The following PAK2 variants were observed in gnomAD, a reference collection of about 807,000 sequenced individuals.
PAK2 encodes p21 (RAC1) activated kinase 2.
Under a neutral mutation model 65.9 loss-of-function variants are expected in PAK2, and 21 were observed. That is an observed-to-expected ratio of 0.32 (90% CI 0.23 to 0.46). The LOEUF (loss-of-function observed/expected upper bound fraction) is 0.46, where lower values mean the gene tolerates loss of function less well. Among genes scored for constraint, PAK2 ranks in the 20% least tolerant of loss-of-function variants. The pLI, the probability that PAK2 is intolerant of heterozygous loss-of-function variation, is 1.00. For synonymous variants in PAK2, 204 were observed against 219.7 expected (o/e 0.93, Z 0.63); for missense variants, 324 against 642.6 (o/e 0.50, Z 5.36).
intron 1 of PAK2, among the ~76,000 whole-genome samples, chr3:196,767,726 C>G (rs755660046): frequency 6.6e-6 from 1 of 152,234 alleles, no homozygotes; most frequent in Middle Eastern, 3.4e-3. Context: ...GATCTCCTGA[C>G]CTCGTGATCC....
chr3:196,823,747 A>T (rs1041699712), intron 13 of PAK2, among the ~76,000 whole-genome samples: 7 of 150,742 alleles, frequency 4.6e-5, no homozygotes, highest in African/African-American at 1.7e-4. Context: ...CTGTATTCCC[A>T]GCTACTCGAG....
chr3:196,814,202 T>TC (rs1715919807), intron 10 of PAK2, among the ~76,000 whole-genome samples: 1 of 152,172 alleles, frequency 6.6e-6, no homozygotes, highest in South Asian at 2.1e-4. Context: ...GTTATTTTAA[T>TC]CAGAATGAGC....
intron 1 of PAK2, among the ~76,000 whole-genome samples, chr3:196,744,031 A>T (rs1366815601): frequency 6.6e-6 from 1 of 152,208 alleles, no homozygotes; most frequent in Non-Finnish European, 1.5e-5. Context: ...GAAATAAAAC[A>T]TAGGGTTTTT....
chr3:196,753,464 G>A (rs843528), intron 1 of PAK2, among the ~76,000 whole-genome samples: 70,598 of 151,762 alleles, frequency 0.47, 16,890 homozygotes, highest in Non-Finnish European at 0.53. Context: ...TAAGTGCTGG[G>A]ATTGCAGGTG....
At position 196,775,451 on chromosome 3, in the gene PAK2, C is replaced by T. The variant is rs567479722; in HGVS notation, c.-21-7175C>T. Among the ~76,000 whole-genome samples, 162 of 152,048 alleles carry T rather than the reference C, an allele frequency of 1.1e-3. No individual in the cohort carries two copies. The Middle Eastern group carries it at 0.017, about 16-fold the overall frequency. On this transcript the variant is annotated intron_variant, in intron 1 of 14. Coordinates refer to ENST00000327134, the MANE Select transcript of PAK2 (RefSeq NM_002577.4). Reference sequence around the variant, plus strand: ...AGGCTGGAGTGCAGTGGTACGATCTCGGCTCACTGCAAGCTCCGCCTCCCG... The same window carrying T: ...AGGCTGGAGTGCAGTGGTACGATCTTGGCTCACTGCAAGCTCCGCCTCCCG...
At chr3:196,759,107 TAGG>T (rs2108717703) in intron 1 of PAK2, among the ~76,000 whole-genome samples, 1 of 152,248 alleles carries the variant, frequency 6.6e-6, no homozygotes, top group African/African-American at 2.4e-5. Context: ...GCATAGAAGG[TAGG>T]AGGCATGGCT....
At chr3:196,741,052 A>C (rs1250620517) in intron 1 of PAK2, among the ~76,000 whole-genome samples, 1 of 152,174 alleles carries the variant, frequency 6.6e-6, no homozygotes, top group Admixed American at 6.5e-5. Flanking sequence ...ACTCCGGTTG[A>C]TATCATTATC....
chr3:196,811,306 T>TTCCC (rs1715803731), intron 8 of PAK2, among the ~76,000 whole-genome samples: 1 of 4,688 alleles, frequency 2.1e-4, no homozygotes, highest in Admixed American at 3.9e-3. Context: ...CCTCCCTTCC[T>TTCCC]TCCCTTCCTT....
chr3:196,749,967 A>C (rs1446230984), intron 1 of PAK2, among the ~76,000 whole-genome samples: 1 of 150,574 alleles, frequency 6.6e-6, no homozygotes, highest in Admixed American at 6.6e-5. Flanking sequence ...GACTACAGAT[A>C]CGCTACCTTA....
intron 1 of PAK2, among the ~76,000 whole-genome samples, chr3:196,773,749 C>T (rs1000401799): frequency 1.3e-5 from 2 of 151,878 alleles, no homozygotes; most frequent in African/African-American, 4.8e-5. Flanking sequence ...TGGTGGTATC[C>T]GCCTCCCAGC....
At chr3:196,761,780 G>C (rs1209188608) in intron 1 of PAK2, among the ~76,000 whole-genome samples, 1 of 146,522 alleles carries the variant, frequency 6.8e-6, no homozygotes, top group Non-Finnish European at 1.5e-5. Flanking sequence ...CTGGCCGGGC[G>C]GGGGGCTGAC....
chr3:196,804,950 CTTAA>C lies in PAK2; in HGVS notation c.437-399_437-396del, dbSNP rs1451545790. The stretch of plus-strand genomic sequence containing the variant: ...TTTTACTTTGCACAATTGTCATTGT[CTTAA>C]TTGTTGCATTAAGTTCCTCAGTCAG... On this transcript the variant is annotated intron_variant, in intron 4 of 14. Coordinates refer to ENST00000327134, the MANE Select transcript of PAK2 (RefSeq NM_002577.4). Among the ~76,000 whole-genome samples, 474 of 152,032 alleles carry C rather than the reference CTTAA, an allele frequency of 3.1e-3. 2 individuals are homozygous for C. Among genetic ancestry groups the C allele is most frequent in the African/African-American group, 0.011 (450 of 41,478 alleles).
chr3:196,768,426 G>GT (rs1276603956), intron 1 of PAK2, among the ~76,000 whole-genome samples: 1 of 151,904 alleles, frequency 6.6e-6, no homozygotes, highest in South Asian at 2.1e-4. Context: ...TTATTTTACT[G>GT]TTTTTTATAC....
Position 196,794,551 on chromosome 3 carries a change from G to A in PAK2, c.188-7376G>A, listed in dbSNP as rs1480317351. ...GGAAAAAGTGAGATTGAAGAAGACAGCCACCTTCTCCACCATCTTGGGTTC... is the reference window on the plus strand; with the variant it reads ...GGAAAAAGTGAGATTGAAGAAGACAACCACCTTCTCCACCATCTTGGGTTC... On this transcript the variant is annotated intron_variant, in intron 2 of 14. Transcript: ENST00000327134. Among the ~76,000 whole-genome samples the A allele has an allele frequency of 2.0e-5, 3 of 152,352 alleles. No individual in the cohort carries two copies. The East Asian group carries it at 5.8e-4, about 29-fold the overall frequency.
At chr3:196,751,771 T>G (rs1713611010) in intron 1 of PAK2, among the ~76,000 whole-genome samples, 4 of 143,356 alleles carry the variant, frequency 2.8e-5, no homozygotes, top group Middle Eastern at 7.0e-3. Flanking sequence ...TGAGACCGTT[T>G]CACTCTTGTT....
Position 196,820,298 on chromosome 3 carries a change from C to CAAAA in PAK2, c.1154-72_1154-71insAAAA. On this transcript the variant is annotated intron_variant, in intron 12 of 14. Coordinates refer to ENST00000327134, the MANE Select transcript of PAK2 (RefSeq NM_002577.4). This position sits in a 1 kb window ranked among gnomAD's most constrained non-coding sequence, Gnocchi z 4.6. ...CTAATAGTCAAAATATAATTAATTA[C>CAAAA]ATAATCTGAAGTGAACTCTTCTGCT... is the stretch of plus-strand genomic sequence containing the variant. The CAAAA allele has an allele frequency of 1.3e-6, 1 of 754,410 alleles. No homozygotes were observed. 46.7% of individuals were successfully genotyped at this position (754,410 alleles called of 1,614,324 possible).
intron 1 of PAK2, among the ~76,000 whole-genome samples, chr3:196,749,621 G>C (rs1411048665): frequency 3.3e-5 from 5 of 152,180 alleles, no homozygotes; most frequent in Non-Finnish European, 5.9e-5. Context: ...TGAATACCAA[G>C]GAGCATGATG....
rs898687992 is a variant in PAK2, at chr3:196,791,742, G to A, written c.187+8909G>A. ...GATCAAGACCATCCTGGCTAACAAG[G>A]TGAAACCCCGTCTCTACTAAAAATA... is the stretch of plus-strand genomic sequence containing the variant. On this transcript the variant is annotated intron_variant, in intron 2 of 14. Coordinates refer to ENST00000327134, the MANE Select transcript of PAK2 (RefSeq NM_002577.4). This position sits in a 1 kb window ranked among gnomAD's most constrained non-coding sequence, Gnocchi z 4.0. Among the ~76,000 whole-genome samples, 1 of 152,070 alleles carries A rather than the reference G, an allele frequency of 6.6e-6. No homozygotes were observed. Among genetic ancestry groups the A allele is most frequent in the East Asian group, 1.9e-4 (1 of 5,194 alleles).
intron 2 of PAK2, among the ~76,000 whole-genome samples, chr3:196,786,464 A>G (rs1475970217): frequency 6.6e-6 from 1 of 152,020 alleles, no homozygotes; most frequent in African/African-American, 2.4e-5. Context: ...CCTGTCTTCA[A>G]TTTCTCTTTT....
Sources: gnomAD v4.1 joint callset for allele counts (sites outside exome capture counted in the v4.1 genomes callset) on GRCh38, gnomAD v4.1.1 for gene constraint, Gnocchi (gnomAD v3.1) non-coding constraint, MANE v1.5 for transcripts, NCBI Gene and HGNC (gene_info 2026-07-23, HGNC 2026-07-21) for gene names.